The following CTNND2 variants were observed in gnomAD, a reference collection of about 807,000 sequenced individuals.
CTNND2 encodes the protein catenin delta-2.
Under a neutral mutation model 144.4 loss-of-function variants are expected in CTNND2, and 22 were observed. That is an observed-to-expected ratio of 0.15 (90% confidence interval 0.11 to 0.22). The LOEUF is 0.22. Ranked by LOEUF, CTNND2 falls within the 10% of genes least tolerant of loss-of-function variation. CTNND2 has a pLI of 1.00. For synonymous variants in CTNND2, 751 were observed against 695.6 expected, an observed-to-expected ratio of 1.08 and a Z score of -1.25; for missense variants, 1,353 against 1,618.8, an observed-to-expected ratio of 0.84 and a Z score of 2.82.
chr5:11,770,432 G>A (rs62337688), intron 1 of CTNND2, among the ~76,000 whole-genome samples: 115,936 of 141,646 alleles, frequency 0.82, 49,259 homozygotes, highest in South Asian at 0.96. Flanking sequence ...AGGAAGGAAG[G>A]AAGGAAGGAA....
At chr5:11,154,985 G>C (rs948871352) in intron 12 of CTNND2, among the ~76,000 whole-genome samples, 1 of 152,198 alleles carries the variant, frequency 6.6e-6, no homozygotes, top group Non-Finnish European at 1.5e-5. Flanking sequence ...AGTATGACCT[G>C]ATCTTCATGA....
At chr5:11,374,386 G>A (rs1391712961) in intron 7 of CTNND2, among the ~76,000 whole-genome samples, 3 of 152,128 alleles carry the variant, frequency 2.0e-5, no homozygotes, top group Non-Finnish European at 4.4e-5. Context: ...CTGGGAGAAG[G>A]CTTGTGTTTA....
intron 10 of CTNND2, among the ~76,000 whole-genome samples, chr5:11,207,288 T>C (rs894403790): frequency 2.6e-5 from 4 of 151,512 alleles, no homozygotes; most frequent in African/African-American, 9.7e-5. Flanking sequence ...CTAACGTACA[T>C]GACGGGTTGA....
At position 11,371,728 on chromosome 5, in the gene CTNND2, G is replaced by C. The variant is rs75840509; in HGVS notation, c.1178-6838C>G. ...ATTTGCAAATGATCATTACTTTGTT[G>C]TAATTAATTTGACATCTTATATCAT... On this transcript the variant is annotated intron_variant, in intron 7 of 21. Transcript: ENST00000304623. Among the ~76,000 whole-genome samples the C allele has an allele frequency of 4.7e-3, 723 of 152,224 alleles. 6 individuals carry two copies. The highest frequency in any genetic ancestry group is 0.016 in the African/African-American group (685 of 41,526).
At chr5:11,327,149 C>G (rs1050233439) in intron 9 of CTNND2, among the ~76,000 whole-genome samples, 1 of 152,032 alleles carries the variant, frequency 6.6e-6, no homozygotes, top group East Asian at 1.9e-4. Flanking sequence ...AGAAGACAGC[C>G]GGGATGTGGC....
rs142522425 is a variant in CTNND2, at chr5:11,410,714, T to G, written c.439+822A>C. On this transcript the variant is annotated intron_variant, in intron 5 of 21. Coordinates refer to ENST00000304623, the MANE Select transcript of CTNND2 (RefSeq NM_001332.4). ...GAATTAATATAGCAATGCAAGATGG[T>G]TAAATACAGAAATGTAAGAATTTAT... is the stretch of plus-strand genomic sequence containing the variant. Among the ~76,000 whole-genome samples, 5 of 152,288 alleles carry G rather than the reference T, an allele frequency of 3.3e-5. No homozygotes were observed. The East Asian group carries it at 7.7e-4, about 24-fold the overall frequency.
chr5:11,245,084 T>C (rs913146469), intron 9 of CTNND2, among the ~76,000 whole-genome samples: 6 of 152,186 alleles, frequency 3.9e-5, no homozygotes, highest in Non-Finnish European at 8.8e-5. Flanking sequence ...TGCATCAAAT[T>C]TGATTATTTC....
intron 2 of CTNND2, among the ~76,000 whole-genome samples, chr5:11,724,259 A>C (rs548866466): frequency 6.6e-6 from 1 of 152,126 alleles, no homozygotes; most frequent in African/African-American, 2.4e-5. Context: ...CAGAGTCACC[A>C]AATCACTGCA....
At position 11,353,735 on chromosome 5, in the gene CTNND2, G is replaced by A. The variant is rs562777530; in HGVS notation, c.1373-7108C>T. On this transcript the variant is annotated intron_variant, in intron 8 of 21. Coordinates refer to ENST00000304623, the MANE Select transcript of CTNND2 (RefSeq NM_001332.4). ...GGAGAACCGTTTGAACCCAGGAGGC[G>A]GAGGTTGCAGTGATCCGAGATTGTG... 1.4e-4 allele frequency among the ~76,000 whole-genome samples: 22 copies of A among 152,076 alleles called. No homozygotes were observed. The South Asian group carries it at 1.5e-3, about 10-fold the overall frequency.
At chr5:11,450,458 C>A (rs1765200773) in intron 3 of CTNND2, among the ~76,000 whole-genome samples, 1 of 152,160 alleles carries the variant, frequency 6.6e-6, no homozygotes, top group Non-Finnish European at 1.5e-5. Context: ...TATCCATGCA[C>A]CCAATATCTT....
At chr5:11,288,517 C>G (rs1275454285) in intron 9 of CTNND2, among the ~76,000 whole-genome samples, 1 of 152,100 alleles carries the variant, frequency 6.6e-6, no homozygotes, top group Non-Finnish European at 1.5e-5. Flanking sequence ...CTAACTGTAT[C>G]ATAAACCTAT....
At position 11,230,975 on chromosome 5, in the gene CTNND2, C is replaced by T. The variant is rs150318718; in HGVS notation, c.1761+5716G>A. On this transcript the variant is annotated intron_variant, in intron 10 of 21. Transcript: ENST00000304623. ...ATATGGTTTGGTTCTGTGTCCCCAC[C>T]CAAATCTCACTTTGAATTGTAAAAA... Among the ~76,000 whole-genome samples the T allele has an allele frequency of 5.2e-3, 792 of 152,160 alleles. 8 individuals are homozygous for T. Among genetic ancestry groups the T allele is most frequent in the African/African-American group, 0.018 (761 of 41,500 alleles).
chr5:11,237,343 C>T (rs1326075200), intron 9 of CTNND2, among the ~76,000 whole-genome samples: 2 of 152,016 alleles, frequency 1.3e-5, no homozygotes, highest in Non-Finnish European at 2.9e-5. Context: ...CAAGTGCAAA[C>T]GTGTATACTA....
intron 1 of CTNND2, among the ~76,000 whole-genome samples, chr5:11,818,003 T>TC (rs1793095599): frequency 8.6e-6 from 1 of 115,926 alleles, no homozygotes; most frequent in South Asian, 3.8e-4. Context: ...TTTTTTTTTT[T>TC]TCAGTTCTCC....
At chr5:10,998,228 G>A (rs768157274) in intron 18 of CTNND2, among the ~76,000 whole-genome samples, 1 of 152,174 alleles carries the variant, frequency 6.6e-6, no homozygotes, top group Non-Finnish European at 1.5e-5. Flanking sequence ...ATACAACTGA[G>A]GGTGATGACA....
At chr5:11,753,942 T>C (rs1213499636) in intron 1 of CTNND2, among the ~76,000 whole-genome samples, 1 of 151,640 alleles carries the variant, frequency 6.6e-6, no homozygotes, top group African/African-American at 2.4e-5. Flanking sequence ...TTCTAGGCTT[T>C]CTAGTGCATA....
At chr5:11,017,898 C>T in intron 18 of CTNND2, 76 bp downstream of exon 18, 5 of 1,106,290 alleles carry the variant, frequency 4.5e-6, no homozygotes, top group Admixed American at 3.5e-5. Context: ...TGGGAAAGTG[C>T]CCTCCACGTC....
intron 13 of CTNND2, among the ~76,000 whole-genome samples, chr5:11,116,589 C>T (rs1362018902): frequency 6.6e-6 from 1 of 152,196 alleles, no homozygotes; most frequent in Non-Finnish European, 1.5e-5. Flanking sequence ...AAAGCCCACC[C>T]AATTCTATTC....
At chr5:11,202,084 T>C (rs1275927727) in intron 10 of CTNND2, among the ~76,000 whole-genome samples, 1 of 152,206 alleles carries the variant, frequency 6.6e-6, no homozygotes, top group Non-Finnish European at 1.5e-5. Flanking sequence ...ATGAAACCAT[T>C]GAAAAGAGAT....
Sources: gnomAD v4.1 joint callset for allele counts (sites outside exome capture counted in the v4.1 genomes callset) on GRCh38, gnomAD v4.1.1 for gene constraint, MANE v1.5 for transcripts, NCBI Gene and HGNC (gene_info 2026-07-23, HGNC 2026-07-21) for gene names.